The following NFATC3 variants were observed in gnomAD, a reference collection of about 807,000 sequenced individuals.
The protein encoded by NFATC3 is nuclear factor of activated T-cells, cytoplasmic 3.
NFATC3 carries 46 observed loss-of-function variants against 98.6 expected under a neutral mutation model. The ratio of observed to expected loss-of-function variants is 0.47; its 90% CI spans 0.37 to 0.60. NFATC3 has a LOEUF of 0.60. Among genes scored for constraint, NFATC3 ranks in the 20% least tolerant of loss-of-function variants. The pLI is 0.00. For synonymous variants in NFATC3, 512 were observed against 472.2 expected, an observed-to-expected ratio of 1.08 and a Z score of -1.09; for missense variants, 1,256 against 1,295.5, an observed-to-expected ratio of 0.97 and a Z score of 0.47.
intron 1 of NFATC3, among the ~76,000 whole-genome samples, chr16:68,095,015 A>G (rs2034934474): frequency 6.6e-6 from 1 of 152,150 alleles, no homozygotes; most frequent in Non-Finnish European, 1.5e-5. Flanking sequence ...AACCAGACCT[A>G]TGCCTTGGCC....
intron 3 of NFATC3, among the ~76,000 whole-genome samples, chr16:68,148,295 T>C (rs915620588): frequency 1.3e-5 from 2 of 152,118 alleles, no homozygotes; most frequent in African/African-American, 4.8e-5. Flanking sequence ...GGATTACAGG[T>C]GTGAGCCACC....
chr16:68,142,889 T>C (rs1252690470), intron 3 of NFATC3, among the ~76,000 whole-genome samples: 2 of 152,198 alleles, frequency 1.3e-5, no homozygotes, highest in East Asian at 1.9e-4. Context: ...TACTTCTTTC[T>C]CTTGTCTGAT....
Position 68,186,928 on chromosome 16 carries a change from A to T in NFATC3, c.2098+3562A>T, listed in dbSNP as rs1395118078. Among the ~76,000 whole-genome samples, 4 of 152,380 alleles carry T rather than the reference A, an allele frequency of 2.6e-5. No homozygotes were observed. The East Asian group carries it at 7.7e-4, about 29-fold the overall frequency. On this transcript the variant is annotated intron_variant, in intron 8 of 9. Coordinates refer to ENST00000346183, the MANE Select transcript of NFATC3 (RefSeq NM_173165.3). Reference sequence around the variant, plus strand: ...ATTGTTATGGGATCCTTGAGGTGTCACTTTGCCAGCCGAAAACCCCTGTGG... The same window carrying T: ...ATTGTTATGGGATCCTTGAGGTGTCTCTTTGCCAGCCGAAAACCCCTGTGG...
At chr16:68,183,839 C>G (rs1358869214) in intron 8 of NFATC3, among the ~76,000 whole-genome samples, 1 of 151,864 alleles carries the variant, frequency 6.6e-6, no homozygotes, top group East Asian at 1.9e-4. Flanking sequence ...AAAACTTCAT[C>G]TTTACTAAAA....
chr16:68,225,731 G>A (rs557346465), intron 9 of NFATC3: 2 of 152,316 alleles, frequency 1.3e-5, no homozygotes, highest in Admixed American at 1.3e-4. Flanking sequence ...AGAACTAAAG[G>A]TTCTTATTTG....
chr16:68,173,217 G>A (rs2039545477), intron 5 of NFATC3, among the ~76,000 whole-genome samples: 1 of 151,832 alleles, frequency 6.6e-6, no homozygotes, highest in Non-Finnish European at 1.5e-5. Context: ...AGCTGATCAT[G>A]CCACACTGGG....
chr16:68,162,682 C>T (rs1193278524), intron 4 of NFATC3, among the ~76,000 whole-genome samples: 1 of 150,364 alleles, frequency 6.7e-6, no homozygotes, highest in East Asian at 1.9e-4. Context: ...AGTGTTCCGA[C>T]AAGGTTGACT....
chr16:68,206,556 T>C (rs2041152890), intron 9 of NFATC3, among the ~76,000 whole-genome samples: 1 of 152,236 alleles, frequency 6.6e-6, no homozygotes, highest in South Asian at 2.1e-4. Flanking sequence ...CTCATCCATA[T>C]TGTAAGCATA....
rs150138397 is a variant in NFATC3, at chr16:68,226,308, A to G, written c.3107-42A>G. On this transcript the variant is annotated intron_variant, in intron 9 of 9. Coordinates refer to ENST00000346183, the MANE Select transcript of NFATC3 (RefSeq NM_173165.3). ...AGCGTTGGGCATCATATGGCTAATC[A>G]CTCAGAGGTCACTAATCACTCTCCC... 1.9e-5 allele frequency: 29 copies of G among 1,547,166 alleles called. No individual in the cohort carries two copies. The African/African-American group carries it at 2.9e-4, about 15-fold the overall frequency.
intron 9 of NFATC3, among the ~76,000 whole-genome samples, chr16:68,210,904 C>T (rs1212526250): frequency 6.6e-6 from 1 of 152,072 alleles, no homozygotes. Context: ...GCTTCAGCCT[C>T]CCGAGTAGCT....
At chr16:68,086,568 C>CT (rs2034390951) in intron 1 of NFATC3, 1 of 853,322 alleles carries the variant, frequency 1.2e-6, no homozygotes, top group African/African-American at 1.8e-5. Context: ...TGACTGGGGA[C>CT]TTAGAGCTCT....
At chr16:68,208,510 A>G (rs1285200036) in intron 9 of NFATC3, among the ~76,000 whole-genome samples, 1 of 152,182 alleles carries the variant, frequency 6.6e-6, no homozygotes. Flanking sequence ...CAGGAGTTCA[A>G]GACCAACCTG....
intron 1 of NFATC3, among the ~76,000 whole-genome samples, chr16:68,088,532 A>ATATTTT (rs2034527268): frequency 6.8e-6 from 1 of 147,214 alleles, no homozygotes; most frequent in South Asian, 2.1e-4. Flanking sequence ...TATATATTTT[A>ATATTTT]TATATATTTT....
intron 4 of NFATC3, among the ~76,000 whole-genome samples, chr16:68,162,952 A>AACGAGC (rs1485249122): frequency 4.5e-5 from 4 of 89,166 alleles, no homozygotes; most frequent in Non-Finnish European, 8.7e-5. Context: ...GACTCTTAAC[A>AACGAGC]ACGAGCACGC....
Position 68,085,551 on chromosome 16 carries a change from A to G in NFATC3, c.-131A>G, listed in dbSNP as rs1459661936. The stretch of plus-strand genomic sequence containing the variant: ...TCGGCGTCGCGGGCCCCGCCCGGAA[A>G]GTTTGCCGTGGAGTCGCGACCTCTT... On this transcript the variant is annotated 5_prime_UTR_variant, in exon 1 of 10. Coordinates refer to ENST00000346183, the MANE Select transcript of NFATC3 (RefSeq NM_173165.3). 1 of 735,746 alleles carries G rather than the reference A, an allele frequency of 1.4e-6. No homozygotes were observed. 45.6% of individuals were successfully genotyped at this position (735,746 alleles called of 1,614,324 possible).
At chr16:68,115,620 T>C (rs1217153203) in intron 1 of NFATC3, among the ~76,000 whole-genome samples, 1 of 152,158 alleles carries the variant, frequency 6.6e-6, no homozygotes, top group Admixed American at 6.5e-5. Context: ...AGACAGGGTT[T>C]CACCATGTTG....
chr16:68,177,303 G>A (rs2039763403), intron 6 of NFATC3, among the ~76,000 whole-genome samples: 1 of 152,112 alleles, frequency 6.6e-6, no homozygotes, highest in Admixed American at 6.5e-5. Flanking sequence ...CGCCCGTCTT[G>A]GCCTCCCAAA....
At position 68,126,588 on chromosome 16, in the gene NFATC3, C is replaced by T; in HGVS notation, c.1379C>T (p.Thr460Ile). ...EGSRGAVKAS[T>I]GGHPVVKLLG... ...AGCCGAGGGGCAGTAAAAGCATCTA[C>T]TGGGGGACATCCTGTTGTGAAGGTA... The change falls in exon 3 of 10, where the codon ACT becomes ATT. Residue 460 changes from threonine (T) to isoleucine (I), a missense_variant. By Grantham distance (89) the Thr-to-Ile change is moderately conservative (BLOSUM62 -1). Around this residue, in one of 3 missense-constraint regions of NFATC3, gnomAD observed 156 missense variants for 212.4 expected, o/e 0.73. Coordinates refer to ENST00000346183, the MANE Select transcript of NFATC3 (RefSeq NM_173165.3). 1 of 1,614,134 alleles carries T rather than the reference C, an allele frequency of 6.2e-7. No homozygotes were observed. Among genetic ancestry groups the T allele is most frequent in the Non-Finnish European group, 8.5e-7 (1 of 1,180,010 alleles).
chr16:68,109,624 G>C (rs1461582837), intron 1 of NFATC3, among the ~76,000 whole-genome samples: 2 of 152,142 alleles, frequency 1.3e-5, no homozygotes. Flanking sequence ...CTTTTCGGTT[G>C]TTTGGAATAG....
Sources: allele counts gnomAD v4.1 joint callset (sites outside exome capture counted in the v4.1 genomes callset), GRCh38; gene constraint gnomAD v4.1.1; regional missense constraint gnomAD v4.1.1; transcripts MANE v1.5; gene names NCBI Gene and HGNC (gene_info 2026-07-23, HGNC 2026-07-21).